Variants in ZNF335 observed in about 807,000 individuals in gnomAD.
ZNF335 encodes the protein NRC-interacting factor 1.
A neutral mutation model predicts 145.6 loss-of-function variants in ZNF335; 84 were observed. That is an observed-to-expected ratio of 0.58 (90% CI 0.48 to 0.69). ZNF335 has a LOEUF of 0.69. Ranked by LOEUF, ZNF335 falls within the 30% of genes least tolerant of loss-of-function variation. The pLI is 0.00. For synonymous variants in ZNF335, 761 were observed against 717.0 expected (o/e 1.06, Z -0.98); for missense variants, 1,865 against 1,809.7 (o/e 1.03, Z -0.55).
chr20:45,967,904 G>C lies in ZNF335; in HGVS notation c.644C>G (p.Ser215Cys), dbSNP rs779589077. The change falls in exon 5 of 28, where the codon TCC becomes TGC. Residue 215 changes from serine to cysteine, a missense_variant. Transcript: ENST00000322927. ...GGAGGCTGGGGGCAGCTGCACCGGGGAGCTGGGCCCACCCTGTGCCTCCAG... is the reference window on the plus strand; with the variant it reads ...GGAGGCTGGGGGCAGCTGCACCGGGCAGCTGGGCCCACCCTGTGCCTCCAG... ...TCLEAQGGPS[S>C]PVQLPPASGA... 27 of 1,612,478 alleles carry C rather than the reference G, an allele frequency of 1.7e-5. No individual in the cohort carries two copies. Among genetic ancestry groups the C allele is most frequent in the Non-Finnish European group, 2.2e-5 (26 of 1,179,632 alleles).
chr20:45,949,539 G>A lies in ZNF335; in HGVS notation c.3699C>T (p.Val1233=). The A allele has an allele frequency of 1.9e-6, 3 of 1,612,792 alleles. No individual in the cohort carries two copies. The highest frequency in any genetic ancestry group is 2.5e-6 in the Non-Finnish European group (3 of 1,179,692). ...QVQYIISQDG[V]QHLLPQEYVV... ...CATATTCCTGGGGGAGCAGGTGCTG[G>A]ACACCATCCTGGGAGATGATATACT... The change falls in exon 25 of 28, where the codon GTC becomes GTT. Residue 1233 remains valine, a synonymous_variant. Transcript: ENST00000322927.
At chr20:45,958,006 G>T in intron 15 of ZNF335, 78 bp from the exon 16 acceptor site, 4 of 1,172,396 alleles carry the variant, frequency 3.4e-6, no homozygotes, top group Non-Finnish European at 3.8e-6. Flanking sequence ...CCTCTGATCT[G>T]CCAGATGTTT....
At chr20:45,960,426 C>A (rs1346997661) in intron 13 of ZNF335, 23 bp downstream of exon 13, 2 of 1,614,202 alleles carry the variant, frequency 1.2e-6, no homozygotes, top group Non-Finnish European at 8.5e-7. Flanking sequence ...CTCCCGTCCC[C>A]AGGGGCCTCC....
chr20:45,965,689 G>A lies in ZNF335; in HGVS notation c.1041C>T (p.Pro347=), dbSNP rs750797835. ...LQRPTPSTPR[P]RRRPGRPRKL... ...TCCGGGGCCGGCCAGGTCTCCTTCG[G>A]GGCCTTGGGGTACTGGGGGTGGGGC... The change falls in exon 7 of 28, where the codon CCC becomes CCT. Residue 347 remains proline (P), a synonymous_variant. Coordinates refer to ENST00000322927, the MANE Select transcript of ZNF335 (RefSeq NM_022095.4). The A allele has an allele frequency of 1.2e-6, 2 of 1,602,148 alleles. No homozygotes were observed. The highest frequency in any genetic ancestry group is 4.6e-5 in the East Asian group (2 of 43,600).
In ZNF335 at chr20:45,965,069, TACA is replaced by T. The variant is rs1555850097; in HGVS notation, c.1102+556_1102+558del. On this transcript the variant is annotated intron_variant, in intron 7 of 27. Transcript: ENST00000322927. ...ATAATAATAATAATAATAATAATAA[TACA>T]ACAACTCTCCAACCATAAACAGCTG... Among the ~76,000 whole-genome samples, 8 of 147,888 alleles carry T rather than the reference TACA, an allele frequency of 5.4e-5. No individual in the cohort carries two copies. In the South Asian group the frequency reaches 6.3e-4, roughly 12 times the overall value.
rs753750236 is a variant in ZNF335, at chr20:45,963,926, G to C, written c.1167C>G (p.Pro389=). The change falls in exon 8 of 28, where the codon CCC becomes CCG. Residue 389 remains proline (P), a synonymous_variant. Coordinates refer to ENST00000322927, the MANE Select transcript of ZNF335 (RefSeq NM_022095.4). ...SGQSPPEPQD[P]EAPSSSGPGH... ...CTGGGCCTGAGGAGCTGGGAGCCTC[G>C]GGATCCTGTGGCTCTGGAGGGCTCT... 1 of 1,567,850 alleles carries C rather than the reference G, an allele frequency of 6.4e-7. No individual in the cohort carries two copies. Among genetic ancestry groups the C allele is most frequent in the Non-Finnish European group, 8.6e-7 (1 of 1,156,206 alleles).
At chr20:45,951,601 G>A (rs901304387) in intron 20 of ZNF335, among the ~76,000 whole-genome samples, 3 of 152,206 alleles carry the variant, frequency 2.0e-5, no homozygotes, top group Non-Finnish European at 2.9e-5. Context: ...TAGATTACTC[G>A]TATGCACAGT....
chr20:45,962,277 C>CG, intron 9 of ZNF335, 95 bp from the exon 10 acceptor site: 1 of 968,246 alleles, frequency 1.0e-6, no homozygotes, highest in Non-Finnish European at 1.6e-6. Context: ...AGGGTTGCTG[C>CG]GGGAGCAGCT....
At chr20:45,969,995 T>C in intron 2 of ZNF335, 1 of 281,392 alleles carries the variant, frequency 3.6e-6, no homozygotes. Context: ...TCCCTCTGCC[T>C]GAAACTCTTC....
intron 2 of ZNF335, among the ~76,000 whole-genome samples, chr20:45,970,542 T>C (rs1298691711): frequency 6.6e-6 from 1 of 152,146 alleles, no homozygotes; most frequent in East Asian, 1.9e-4. Flanking sequence ...GAGCTAGATG[T>C]TGGGTAGCTT....
At chr20:45,964,223 C>T (rs1054685743) in intron 7 of ZNF335, 10 of 441,950 alleles carry the variant, frequency 2.3e-5, no homozygotes, top group African/African-American at 1.4e-4. Flanking sequence ...AGAGCAACGG[C>T]GAGAGCTGGG....
intron 16 of ZNF335, 25 bp downstream of exon 16, chr20:45,957,810 G>A (rs2083756824): frequency 6.2e-7 from 1 of 1,612,834 alleles, no homozygotes; most frequent in East Asian, 2.2e-5. Flanking sequence ...CCCTCCATGA[G>A]CTCCTATCCT....
chr20:45,963,903 G>T lies in ZNF335; in HGVS notation c.1190C>A (p.Pro397Gln). The change falls in exon 8 of 28, where the codon CCA becomes CAA. Residue 397 changes from proline (P) to glutamine (Q), a missense_variant. Pro to Gln is a moderately conservative substitution (Grantham distance 76). Transcript: ENST00000322927. ...QDPEAPSSSG[P>Q]GHLVAMGKVS... ...CTTGCCCATGGCCACCAGGTGTCCT[G>T]GGCCTGAGGAGCTGGGAGCCTCGGG... The T allele has an allele frequency of 6.3e-7, 1 of 1,591,658 alleles. No homozygotes were observed. Among genetic ancestry groups the T allele is most frequent in the East Asian group, 2.2e-5 (1 of 44,616 alleles).
At position 45,968,315 on chromosome 20, in the gene ZNF335, G is replaced by T. The variant is rs376254879; in HGVS notation, c.490C>A (p.Arg164=). ...TCTGGGCCCTGTAGGATCAGGTACC[G>T]TGTGGTCTCGGCCCCGCCATCCTCA... The part of the protein sequence containing the change: ...SAEDGGAETT[R]YLILQGPDDG... Residue 164 remains arginine (R), a synonymous_variant, in exon 4 of 28, where the codon CGG becomes AGG. Transcript: ENST00000322927. The T allele has an allele frequency of 1.9e-6, 3 of 1,613,428 alleles. No homozygotes were observed. Among genetic ancestry groups the T allele is most frequent in the Middle Eastern group, 1.6e-4 (1 of 6,062 alleles).
intron 15 of ZNF335, among the ~76,000 whole-genome samples, chr20:45,958,927 C>T (rs368742098): frequency 1.5e-4 from 23 of 152,144 alleles, no homozygotes; most frequent in African/African-American, 5.3e-4. Flanking sequence ...GTATAATCAC[C>T]GCACCAGCCC....
At chr20:45,953,642 C>T (rs1179755089) in intron 18 of ZNF335, 47 bp downstream of exon 18, 1 of 1,603,612 alleles carries the variant, frequency 6.2e-7, no homozygotes, top group African/African-American at 1.3e-5. Flanking sequence ...ACCGACCGAC[C>T]ACACCTACAA....
chr20:45,971,795 C>T (rs1369388470), intron 1 of ZNF335: 1 of 985,334 alleles, frequency 1.0e-6, no homozygotes, highest in Non-Finnish European at 1.2e-6. Context: ...CCCCGGGTTG[C>T]AGGGCCGGTG....
chr20:45,955,431 T>G (rs1008829397), intron 17 of ZNF335, among the ~76,000 whole-genome samples: 3 of 149,446 alleles, frequency 2.0e-5, no homozygotes, highest in Non-Finnish European at 3.0e-5. Context: ...TATACCCTAC[T>G]GGTGGCCACG....
intron 17 of ZNF335, among the ~76,000 whole-genome samples, chr20:45,956,738 C>G (rs2083736054): frequency 6.6e-6 from 1 of 151,958 alleles, no homozygotes; most frequent in Admixed American, 6.6e-5. Context: ...AAAAATCGAT[C>G]CCTACCTTTC....
Sources: gnomAD v4.1 joint callset for allele counts (sites outside exome capture counted in the v4.1 genomes callset) on GRCh38, gnomAD v4.1.1 for gene constraint, MANE v1.5 for transcripts, NCBI Gene and HGNC (gene_info 2026-07-23, HGNC 2026-07-21) for gene names.